Variants in SFI1 observed in about 807,000 individuals in gnomAD.
SFI1 encodes the protein SFI1 centrin binding protein.
A neutral mutation model predicts 207.5 loss-of-function variants in SFI1; 195 were observed. The ratio of observed to expected loss-of-function variants is 0.94; its 90% CI spans 0.84 to 1.06. The LOEUF (loss-of-function observed/expected upper bound fraction) is 1.06. Ranked by LOEUF, SFI1 falls within the 50% of genes least tolerant of loss-of-function variation. SFI1 has a pLI of 0.00. For missense variants in SFI1, 1,634 were observed against 1,588.0 expected (o/e 1.03, Z -0.49); for synonymous variants, 630 against 598.9 (o/e 1.05, Z -0.76).
intron 4 of SFI1, among the ~76,000 whole-genome samples, chr22:31,533,843 TTTTG>T (rs1358440061): frequency 6.6e-6 from 1 of 152,128 alleles, no homozygotes; most frequent in Non-Finnish European, 1.5e-5. Context: ...ATTCTCTCTT[TTTTG>T]TTTAATTTAT....
At chr22:31,499,311 C>T (rs898005554) in intron 1 of SFI1, among the ~76,000 whole-genome samples, 2 of 152,136 alleles carry the variant, frequency 1.3e-5, no homozygotes, top group Non-Finnish European at 2.9e-5. Context: ...TCTTCTGCCT[C>T]AGCCTCCCGA....
At position 31,615,152 on chromosome 22, in the gene SFI1, G is replaced by A. The variant is rs1399076661; in HGVS notation, c.3173G>A (p.Ser1058Asn). ...AEAPTALVPH[S>N]PLPGALSSAP... ...GCCCCGACAGCACTGGTCCCACACA[G>A]CCCCCTGCCTGGGGCCCTGTCAAGC... Residue 1058 changes from serine (S) to asparagine (N), a missense_variant, in exon 29 of 33, where the codon AGC becomes AAC. Ser to Asn is a conservative substitution (Grantham distance 46). Coordinates refer to ENST00000400288, the MANE Select transcript of SFI1 (RefSeq NM_001007467.3). 3 of 1,607,230 alleles carry A rather than the reference G, an allele frequency of 1.9e-6. No homozygotes were observed. The highest frequency in any genetic ancestry group is 2.2e-5 in the East Asian group (1 of 44,796).
chr22:31,616,995 CAT>C lies in SFI1; in HGVS notation c.3434-3_3434-2del. On this transcript the variant is annotated splice_polypyrimidine_tract_variant and splice_region_variant and intron_variant, in intron 30 of 32. Coordinates refer to ENST00000400288, the MANE Select transcript of SFI1 (RefSeq NM_001007467.3). ...TCTGAAACAAGCTTACTTCTGTCGC[CAT>C]AGGCAGCCTGGACCTTGAGGCTGAA... The C allele has an allele frequency of 6.2e-7, 1 of 1,614,092 alleles. No individual in the cohort carries two copies. Among genetic ancestry groups the C allele is most frequent in the African/African-American group, 1.3e-5 (1 of 75,038 alleles).
chr22:31,580,395 C>T, intron 12 of SFI1, 31 bp downstream of exon 12: 1 of 1,538,684 alleles, frequency 6.5e-7, no homozygotes. Context: ...CAAGGGACCT[C>T]TTCTGAAGGC....
At chr22:31,576,165 C>T (rs536384017) in intron 10 of SFI1, among the ~76,000 whole-genome samples, 4 of 152,022 alleles carry the variant, frequency 2.6e-5, no homozygotes, top group Non-Finnish European at 4.4e-5. Flanking sequence ...GCTGGGATTA[C>T]AGGCATGTGC....
Position 31,542,827 on chromosome 22 carries a change from A to G in SFI1, c.339-4034A>G, listed in dbSNP as rs533580974. ...CAGGCATGCACCACAACGCCCAGCTAATTTTTGTATTTTTGGTAGAGATGG... is the reference window on the plus strand; with the variant it reads ...CAGGCATGCACCACAACGCCCAGCTGATTTTTGTATTTTTGGTAGAGATGG... On this transcript the variant is annotated intron_variant, in intron 4 of 32. Transcript: ENST00000400288. 3.3e-5 allele frequency among the ~76,000 whole-genome samples: 5 copies of G among 151,228 alleles called. No individual in the cohort carries two copies. In the East Asian group the frequency reaches 1.0e-3, roughly 30 times the overall value.
intron 1 of SFI1, chr22:31,497,336 C>A (rs552741090): frequency 6.6e-6 from 1 of 152,336 alleles, no homozygotes; most frequent in East Asian, 1.9e-4. Context: ...CACTTCCTGT[C>A]ACTTACACTT....
In SFI1 at chr22:31,591,463, G is replaced by A. The variant is rs905069612; in HGVS notation, c.1544+1886G>A. Among the ~76,000 whole-genome samples the A allele has an allele frequency of 1.7e-4, 26 of 152,070 alleles. No homozygotes were observed. The East Asian group carries it at 2.5e-3, about 15-fold the overall frequency. On this transcript the variant is annotated intron_variant, in intron 15 of 32. Coordinates refer to ENST00000400288, the MANE Select transcript of SFI1 (RefSeq NM_001007467.3). ...AAAGCCGCCATTGTCATCCTGGCCC[G>A]TTCTCAATGAGCTATTGGGCACACC...
At chr22:31,542,354 A>G (rs2059630642) in intron 4 of SFI1, among the ~76,000 whole-genome samples, 1 of 151,956 alleles carries the variant, frequency 6.6e-6, no homozygotes, top group Non-Finnish European at 1.5e-5. Flanking sequence ...TAGGCCGGGC[A>G]TGGTGGCACA....
At chr22:31,500,085 T>C (rs894723179) in intron 1 of SFI1, among the ~76,000 whole-genome samples, 7 of 150,026 alleles carry the variant, frequency 4.7e-5, no homozygotes, top group African/African-American at 1.7e-4. Flanking sequence ...TTTGGGTGGC[T>C]GAGGTGGGCG....
At position 31,589,800 on chromosome 22, in the gene SFI1, TG is replaced by T. The variant is rs1311534491; in HGVS notation, c.1544+224del. 1.3e-3 allele frequency among the ~76,000 whole-genome samples: 183 copies of T among 143,728 alleles called. 1 individual carries two copies. The highest frequency in any genetic ancestry group is 3.0e-3 in the South Asian group (14 of 4,620). The allele number at this position is 143,728 out of a possible 152,430, so 94.3% of individuals were successfully genotyped here. The stretch of plus-strand genomic sequence containing the variant: ...CATCTTTATTTATTTATTTTTTTTG[TG>T]TGTGTGTATATATGTATTTATTAAA... On this transcript the variant is annotated intron_variant, in intron 15 of 32. Transcript: ENST00000400288.
At position 31,593,531 on chromosome 22, in the gene SFI1, G is replaced by A. The variant is rs1264487331; in HGVS notation, c.1544+3954G>A. Among the ~76,000 whole-genome samples the A allele has an allele frequency of 8.0e-4, 104 of 130,316 alleles. 1 individual carries two copies. Among genetic ancestry groups the A allele is most frequent in the Non-Finnish European group, 9.7e-4 (59 of 60,876 alleles). The allele number at this position is 130,316 out of a possible 152,430, so 85.5% of individuals were successfully genotyped here. Reference sequence around the variant, plus strand: ...TCCAGACTGGGCAGCCAGGCAGAGGGGCTCCTCACATCCCAGACGATGGGC... The same window carrying A: ...TCCAGACTGGGCAGCCAGGCAGAGGAGCTCCTCACATCCCAGACGATGGGC... On this transcript the variant is annotated intron_variant, in intron 15 of 32. Coordinates refer to ENST00000400288, the MANE Select transcript of SFI1 (RefSeq NM_001007467.3).
intron 8 of SFI1, chr22:31,572,832 C>CTT: frequency 2.5e-6 from 1 of 402,342 alleles, no homozygotes; most frequent in Non-Finnish European, 4.5e-6. Context: ...TTTTATTCTT[C>CTT]TTTTTTTTAA....
At position 31,564,664 on chromosome 22, in the gene SFI1, C is replaced by T. The variant is rs146951844; in HGVS notation, c.765+3272C>T. Among the ~76,000 whole-genome samples, 818 of 151,796 alleles carry T rather than the reference C, an allele frequency of 5.4e-3. 10 individuals are homozygous for T. Among genetic ancestry groups the T allele is most frequent in the African/African-American group, 0.019 (791 of 41,356 alleles). Reference sequence around the variant, plus strand: ...AGAACACAGGCATGTGCTACCATGCCTGGCTAATATTTTTTTTTTTTCCCT... The same window carrying T: ...AGAACACAGGCATGTGCTACCATGCTTGGCTAATATTTTTTTTTTTTCCCT... On this transcript the variant is annotated intron_variant, in intron 8 of 32. Transcript: ENST00000400288.
chr22:31,548,951 G>A (rs2060364704), intron 5 of SFI1, among the ~76,000 whole-genome samples: 3 of 152,084 alleles, frequency 2.0e-5, no homozygotes, highest in South Asian at 4.1e-4. Context: ...TAGTGCAAAC[G>A]AGAAGTGATG....
chr22:31,599,210 C>T (rs1271259862), intron 15 of SFI1, among the ~76,000 whole-genome samples: 1 of 152,028 alleles, frequency 6.6e-6, no homozygotes, highest in Non-Finnish European at 1.5e-5. Context: ...ATAGTTTTAG[C>T]ATTTACATTT....
intron 15 of SFI1, among the ~76,000 whole-genome samples, chr22:31,596,871 C>G (rs2067201147): frequency 1.3e-5 from 2 of 151,658 alleles, no homozygotes; most frequent in Admixed American, 6.6e-5. Context: ...AAGACACGCA[C>G]ACACAGTACC....
intron 10 of SFI1, 131 bp downstream of exon 10, chr22:31,575,523 T>C (rs1160830427): frequency 3.2e-6 from 3 of 940,650 alleles, no homozygotes; most frequent in Non-Finnish European, 4.5e-6. Context: ...TTATCTCTGT[T>C]GACAGTCTTA....
intron 9 of SFI1, among the ~76,000 whole-genome samples, chr22:31,574,794 C>T (rs543547205): frequency 2.6e-5 from 4 of 152,028 alleles, no homozygotes; most frequent in African/African-American, 4.8e-5. Flanking sequence ...CGGTGGCTCA[C>T]GTCTGTAATC....
Sources: gnomAD v4.1 joint callset for allele counts (sites outside exome capture counted in the v4.1 genomes callset) on GRCh38, gnomAD v4.1.1 for gene constraint, MANE v1.5 for transcripts, NCBI Gene and HGNC (gene_info 2026-07-23, HGNC 2026-07-21) for gene names.